GAB2: variants seen among roughly 807,000 people sequenced by gnomAD.
GAB2 encodes the protein GRB2-associated-binding protein 2.
In GAB2, 26 loss-of-function variants were observed where a neutral mutation model predicts 65.5. That is an observed-to-expected ratio of 0.40 (90% CI 0.29 to 0.55). The LOEUF (loss-of-function observed/expected upper bound fraction) is 0.55, where lower values mean the gene tolerates loss of function less well. Among genes scored for constraint, GAB2 ranks in the 20% least tolerant of loss-of-function variants. The probability of loss-of-function intolerance (pLI) is 0.53; values close to 1 mark genes in which losing one functional copy is unlikely to be tolerated. For synonymous variants in GAB2, 321 were observed against 329.6 expected (o/e 0.97, Z 0.28); for missense variants, 884 against 875.8 (o/e 1.01, Z -0.12).
intron 1 of GAB2, among the ~76,000 whole-genome samples, chr11:78,370,437 G>A (rs1203672049): frequency 6.6e-6 from 1 of 152,080 alleles, no homozygotes; most frequent in Non-Finnish European, 1.5e-5. Context: ...GGCAAACAGG[G>A]CAAGGGTCTG....
At chr11:78,346,520 G>A (rs1363129017) in intron 1 of GAB2, among the ~76,000 whole-genome samples, 1 of 151,536 alleles carries the variant, frequency 6.6e-6, no homozygotes, top group Admixed American at 6.6e-5. Context: ...GGATTCAAAT[G>A]TAGGTACTTC....
rs571307978 is a variant in GAB2 at position 78,336,965 on chromosome 11, C to T, written c.76-56064G>A. 3.9e-5 allele frequency among the ~76,000 whole-genome samples: 6 copies of T among 152,264 alleles called. No homozygotes were observed. The South Asian group carries it at 1.2e-3, about 32-fold the overall frequency. Reference sequence around the variant, plus strand: ...AATATCATAGTAAAGGGAAGAAAAGCCATTGTATTCAACTGCTCAGAAATC... The same window carrying T: ...AATATCATAGTAAAGGGAAGAAAAGTCATTGTATTCAACTGCTCAGAAATC... On this transcript the variant is annotated intron_variant, in intron 1 of 9. Transcript: ENST00000361507.
At position 78,401,586 on chromosome 11, in the gene GAB2, T is replaced by C. The variant is rs115126374; in HGVS notation, c.75+16060A>G. ...TTTAGCATAATGTCATCAAGGTTCATCTCTGTTGTAGCATGTCCATGTATT... is the reference window on the plus strand; with the variant it reads ...TTTAGCATAATGTCATCAAGGTTCACCTCTGTTGTAGCATGTCCATGTATT... On this transcript the variant is annotated intron_variant, in intron 1 of 9. Transcript: ENST00000361507. Among the ~76,000 whole-genome samples the C allele has an allele frequency of 9.9e-3, 1,500 of 151,412 alleles. 23 individuals are homozygous for C. The highest frequency in any genetic ancestry group is 0.035 in the African/African-American group (1,445 of 41,142).
chr11:78,280,092 C>T (rs1866291038), intron 2 of GAB2, among the ~76,000 whole-genome samples: 2 of 152,214 alleles, frequency 1.3e-5, no homozygotes, highest in African/African-American at 4.8e-5. Context: ...CTGTTTCCTC[C>T]TTTTATCTGT....
At chr11:78,231,013 T>G (rs1423133964) in intron 3 of GAB2, among the ~76,000 whole-genome samples, 2 of 152,218 alleles carry the variant, frequency 1.3e-5, no homozygotes, top group African/African-American at 4.8e-5. Flanking sequence ...TACAGAAGCC[T>G]TATAAAATAG....
At chr11:78,368,720 A>G (rs1856529552) in intron 1 of GAB2, among the ~76,000 whole-genome samples, 1 of 152,070 alleles carries the variant, frequency 6.6e-6, no homozygotes, top group South Asian at 2.1e-4. Context: ...AAAAAAGACA[A>G]GACAGCAAAA....
chr11:78,234,761 T>C (rs2888465), intron 3 of GAB2, among the ~76,000 whole-genome samples: 28,374 of 151,848 alleles, frequency 0.19, 2,958 homozygotes, highest in East Asian at 0.39. Flanking sequence ...ATTCTTGAAA[T>C]CAAGTAATAT....
chr11:78,241,808 T>G (rs188904794), intron 3 of GAB2, among the ~76,000 whole-genome samples: 1 of 152,224 alleles, frequency 6.6e-6, no homozygotes, highest in Non-Finnish European at 1.5e-5. Flanking sequence ...GCAAGACTTA[T>G]GGAACACCAT....
intron 1 of GAB2, among the ~76,000 whole-genome samples, chr11:78,282,703 C>T (rs1866368102): frequency 6.6e-6 from 1 of 152,184 alleles, no homozygotes; most frequent in East Asian, 1.9e-4. Context: ...TCCCTACCTA[C>T]CCCATAGGGT....
chr11:78,238,769 G>A (rs1209235302), intron 3 of GAB2, among the ~76,000 whole-genome samples: 2 of 152,072 alleles, frequency 1.3e-5, no homozygotes, highest in Non-Finnish European at 2.9e-5. Flanking sequence ...GGCAACAAAA[G>A]TAAAAATGCA....
At chr11:78,417,289 G>C (rs881337) in intron 1 of GAB2, among the ~76,000 whole-genome samples, 25,711 of 151,566 alleles carry the variant, frequency 0.17, 2,915 homozygotes, top group East Asian at 0.43. Flanking sequence ...GAAGCTGCTC[G>C]GGGCTGCCGC....
At chr11:78,411,254 T>C (rs1800369493) in intron 1 of GAB2, among the ~76,000 whole-genome samples, 1 of 152,156 alleles carries the variant, frequency 6.6e-6, no homozygotes, top group African/African-American at 2.4e-5. Context: ...GAAGATTTAA[T>C]ATAGTAAAGC....
At chr11:78,370,725 ATG>A (rs113823389) in intron 1 of GAB2, among the ~76,000 whole-genome samples, 41 of 148,668 alleles carry the variant, frequency 2.8e-4, no homozygotes, top group East Asian at 5.9e-4. Context: ...GTGTGTGTGT[ATG>A]TGTGTGTGTG....
At chr11:78,345,306 G>A (rs1856163253) in intron 1 of GAB2, among the ~76,000 whole-genome samples, 1 of 152,068 alleles carries the variant, frequency 6.6e-6, no homozygotes, top group Non-Finnish European at 1.5e-5. Flanking sequence ...ACCCAAAATT[G>A]TAGAGACAAT....
intron 3 of GAB2, among the ~76,000 whole-genome samples, chr11:78,243,192 G>GCATGGTGGCT (rs1365324868): frequency 6.6e-6 from 1 of 151,988 alleles, no homozygotes; most frequent in African/African-American, 2.4e-5. Context: ...AAAAGGCTGG[G>GCATGGTGGCT]CATGGTGGCT....
chr11:78,310,327 C>A (rs1398572386), intron 1 of GAB2, among the ~76,000 whole-genome samples: 3 of 148,254 alleles, frequency 2.0e-5, no homozygotes, highest in African/African-American at 7.5e-5. Flanking sequence ...ACGGTGAAAC[C>A]CCGTCTCTAC....
intron 3 of GAB2, among the ~76,000 whole-genome samples, chr11:78,247,472 T>C (rs778837973): frequency 6.6e-6 from 1 of 152,198 alleles, no homozygotes; most frequent in Non-Finnish European, 1.5e-5. Flanking sequence ...GGGTCCAAAA[T>C]ATGGGTTTAT....
intron 1 of GAB2, among the ~76,000 whole-genome samples, chr11:78,316,726 C>A (rs758766030): frequency 6.6e-6 from 1 of 152,222 alleles, no homozygotes; most frequent in South Asian, 2.1e-4. Context: ...GAGAGTAAGG[C>A]AATTCCTCAA....
intron 3 of GAB2, among the ~76,000 whole-genome samples, chr11:78,231,492 G>A (rs1358888233): frequency 6.6e-6 from 1 of 152,136 alleles, no homozygotes. Flanking sequence ...TGTGATTACA[G>A]GAGCGTACCA....
Sources: gnomAD v4.1 joint callset for allele counts (sites outside exome capture counted in the v4.1 genomes callset) on GRCh38, gnomAD v4.1.1 for gene constraint, MANE v1.5 for transcripts, NCBI Gene and HGNC (gene_info 2026-07-23, HGNC 2026-07-21) for gene names.